The following CNOT8 variants were observed in gnomAD, a reference collection of about 807,000 sequenced individuals.
CNOT8 encodes the protein CCR4-NOT transcription complex subunit 8, also known as CAF1-like protein.
A neutral mutation model predicts 34.6 loss-of-function variants in CNOT8; 18 were observed. The ratio of observed to expected loss-of-function variants is 0.52; its 90% confidence interval spans 0.36 to 0.77. The LOEUF (loss-of-function observed/expected upper bound fraction) is 0.77, where lower values mean the gene tolerates loss of function less well. Among genes scored for constraint, CNOT8 ranks in the 30% least tolerant of loss-of-function variants. CNOT8 has a pLI of 0.00. For synonymous variants in CNOT8, 101 were observed against 118.8 expected (o/e 0.85, Z 0.98); for missense variants, 189 against 347.9 (o/e 0.54, Z 3.63).
intron 1 of CNOT8, among the ~76,000 whole-genome samples, chr5:154,862,755 G>C (rs892020045): frequency 6.6e-6 from 1 of 152,172 alleles, no homozygotes; most frequent in Non-Finnish European, 1.5e-5. Context: ...GAGTGTGAGA[G>C]TTTAGGTCCA....
chr5:154,865,475 G>A lies in CNOT8; in HGVS notation c.311+90G>A, dbSNP rs1181010518. The A allele has an allele frequency of 1.3e-5, 10 of 783,976 alleles. No individual in the cohort carries two copies. In the East Asian group the frequency reaches 1.5e-4, roughly 12 times the overall value. 48.6% of individuals were successfully genotyped at this position (783,976 alleles called of 1,614,324 possible). A position where few individuals can be genotyped will look rare whatever the true frequency, so the allele number is the denominator to read the frequency against. ...TGGATAGAGCGGTCAAGCAGAGGAC[G>A]GAACAGGGAATCTCAGCAAGTGAAG... On this transcript the variant is annotated intron_variant, in intron 3 of 6. Coordinates refer to ENST00000285896, the MANE Select transcript of CNOT8 (RefSeq NM_001301073.2).
At chr5:154,863,868 G>A (rs1215397012) in intron 2 of CNOT8, among the ~76,000 whole-genome samples, 1 of 151,902 alleles carries the variant, frequency 6.6e-6, no homozygotes, top group Non-Finnish European at 1.5e-5. Context: ...TTGACTATAC[G>A]ATGTTAAGAA....
At chr5:154,873,094 C>T (rs888032029) in intron 6 of CNOT8, among the ~76,000 whole-genome samples, 1 of 151,934 alleles carries the variant, frequency 6.6e-6, no homozygotes, top group Non-Finnish European at 1.5e-5. Context: ...TTAGTAGACA[C>T]GGGGTTTCAC....
intron 3 of CNOT8, among the ~76,000 whole-genome samples, chr5:154,869,575 G>C (rs1340320677): frequency 6.6e-6 from 1 of 151,186 alleles, no homozygotes; most frequent in East Asian, 1.9e-4. Context: ...TTCCTGAGTA[G>C]CTGGGATTCA....
chr5:154,858,585 G>A (rs1761013811), upstream of CNOT8: 1 of 152,344 alleles, frequency 6.6e-6, no homozygotes, highest in Non-Finnish European at 1.5e-5. Flanking sequence ...TGGGAGGCAC[G>A]TAAGACCGCT....
Position 154,863,213 on chromosome 5 carries a change from C to T in CNOT8, c.-66C>T, listed in dbSNP as rs1379882649. Reference sequence around the variant, plus strand: ...AAAATGTTTTACAATCTAGATCAGACCAAACATTGTCTGGCTTGCACTGTA... The same window carrying T: ...AAAATGTTTTACAATCTAGATCAGATCAAACATTGTCTGGCTTGCACTGTA... On this transcript the variant is annotated 5_prime_UTR_variant, in exon 2 of 7. Coordinates refer to ENST00000285896, the MANE Select transcript of CNOT8 (RefSeq NM_001301073.2). 3 of 1,090,390 alleles carry T rather than the reference C, an allele frequency of 2.8e-6. No homozygotes were observed. The highest frequency in any genetic ancestry group is 4.3e-6 in the Non-Finnish European group (3 of 703,390). 67.5% of individuals were successfully genotyped at this position (1,090,390 alleles called of 1,614,324 possible). A position where few individuals can be genotyped will look rare whatever the true frequency, so the allele number is the denominator to read the frequency against.
upstream of CNOT8, chr5:154,858,274 G>A (rs1226871753): frequency 6.6e-6 from 1 of 151,942 alleles, no homozygotes; most frequent in Non-Finnish European, 1.5e-5. Flanking sequence ...GGAGGAGTAA[G>A]AATCATGATT....
chr5:154,872,495 G>A, intron 5 of CNOT8, 46 bp from the exon 6 acceptor site: 3 of 1,266,448 alleles, frequency 2.4e-6, no homozygotes, highest in Non-Finnish European at 3.4e-6. Context: ...TCCAGTAGGG[G>A]CATGTTGGGT....
intron 3 of CNOT8, chr5:154,867,905 G>C (rs1462958841): frequency 6.3e-6 from 1 of 157,584 alleles, no homozygotes; most frequent in African/African-American, 2.4e-5. Flanking sequence ...GAAGGGACCT[G>C]CTATGTAATA....
chr5:154,871,910 G>A (rs1561691756), intron 5 of CNOT8, 36 bp downstream of exon 5: 1 of 1,579,192 alleles, frequency 6.3e-7, no homozygotes, highest in African/African-American at 1.4e-5. Flanking sequence ...GTAACAAAAA[G>A]AAGGACAGAA....
intron 6 of CNOT8, 33 bp downstream of exon 6, chr5:154,872,684 C>T (rs188235506): frequency 2.0e-5 from 28 of 1,388,298 alleles, no homozygotes; most frequent in African/African-American, 8.5e-5. Flanking sequence ...ACAGGCCTCT[C>T]GGCAGTAACT....
Position 154,860,571 on chromosome 5 carries a change from G to C in CNOT8, c.-73+1803G>C, listed in dbSNP as rs113126939. Among the ~76,000 whole-genome samples, 1,035 of 152,262 alleles carry C rather than the reference G, an allele frequency of 6.8e-3. 8 individuals carry two copies. The highest frequency in any genetic ancestry group is 0.024 in the African/African-American group (977 of 41,552). Reference sequence around the variant, plus strand: ...ATTCTGCAGTCTCAGCCTCTCAAAAGTGCTGGGATTACAGGTGTGAGCCAC... The same window carrying C: ...ATTCTGCAGTCTCAGCCTCTCAAAACTGCTGGGATTACAGGTGTGAGCCAC... On this transcript the variant is annotated intron_variant, in intron 1 of 6. Transcript: ENST00000285896.
intron 6 of CNOT8, among the ~76,000 whole-genome samples, chr5:154,875,076 C>G (rs1248051214): frequency 2.0e-5 from 3 of 151,768 alleles, no homozygotes; most frequent in Non-Finnish European, 4.4e-5. Context: ...GCCACCATGC[C>G]CGGCTCATTT....
In CNOT8 at chr5:154,875,644, A is replaced by T; in HGVS notation, c.*205A>T. 3.6e-6 allele frequency: 2 copies of T among 555,290 alleles called. No individual in the cohort carries two copies. Among genetic ancestry groups the T allele is most frequent in the Non-Finnish European group, 6.1e-6 (2 of 327,326 alleles). 34.4% of individuals were successfully genotyped at this position (555,290 alleles called of 1,614,324 possible). ...AGAGGAGTTTGCTCTGAATTTGTAA[A>T]TAAGTCTTCCCCATTCCTCATACTC... is the stretch of plus-strand genomic sequence containing the variant. On this transcript the variant is annotated 3_prime_UTR_variant, in exon 7 of 7. Coordinates refer to ENST00000285896, the MANE Select transcript of CNOT8 (RefSeq NM_001301073.2).
At chr5:154,863,914 A>G (rs1761602407) in intron 2 of CNOT8, among the ~76,000 whole-genome samples, 1 of 152,196 alleles carries the variant, frequency 6.6e-6, no homozygotes, top group Non-Finnish European at 1.5e-5. Flanking sequence ...AAAAGTCAAT[A>G]GAACTCACTT....
chr5:154,858,652 G>T lies in CNOT8; in HGVS notation c.-189G>T, dbSNP rs994823118. The T allele has an allele frequency of 6.6e-6, 1 of 152,204 alleles. No homozygotes were observed. The highest frequency in any genetic ancestry group is 6.5e-5 in the Admixed American group (1 of 15,282). 9.4% of individuals were successfully genotyped at this position (152,204 alleles called of 1,614,324 possible). On this transcript the variant is annotated 5_prime_UTR_variant, in exon 1 of 7. Coordinates refer to ENST00000285896, the MANE Select transcript of CNOT8 (RefSeq NM_001301073.2). ...GTTCGGTTCTAGGAGCAGATCCGGG[G>T]TAGAGGGAAAAGAGCTCCGGGCCAG... is the stretch of plus-strand genomic sequence containing the variant.
At chr5:154,864,141 T>C (rs1761627474) in intron 2 of CNOT8, among the ~76,000 whole-genome samples, 1 of 152,168 alleles carries the variant, frequency 6.6e-6, no homozygotes, top group Non-Finnish European at 1.5e-5. Flanking sequence ...CATTAGCTGC[T>C]TGGAGTTTGT....
chr5:154,871,673 A>T, intron 4 of CNOT8, 57 bp from the exon 5 acceptor site: 6 of 1,552,304 alleles, frequency 3.9e-6, no homozygotes, highest in Non-Finnish European at 5.3e-6. Context: ...AAAATGGTTG[A>T]ACACTGGGGC....
chr5:154,861,945 G>A (rs1483644150), intron 1 of CNOT8, among the ~76,000 whole-genome samples: 5 of 152,158 alleles, frequency 3.3e-5, no homozygotes, highest in African/African-American at 9.7e-5. Flanking sequence ...TGATCCGCCC[G>A]CCTCGGCCTT....
Sources: gnomAD v4.1 joint callset for allele counts (sites outside exome capture counted in the v4.1 genomes callset) on GRCh38, gnomAD v4.1.1 for gene constraint, MANE v1.5 for transcripts, NCBI Gene and HGNC (gene_info 2026-07-23, HGNC 2026-07-21) for gene names.